SDHC: variants seen among roughly 807,000 people sequenced by gnomAD.
The protein encoded by SDHC is succinate dehydrogenase cytochrome b560 subunit, mitochondrial.
In SDHC, 11 loss-of-function variants were observed where a neutral mutation model predicts 22.6. The observed-to-expected ratio is 0.49, with a 90% CI of 0.31 to 0.81. The LOEUF is 0.81. Ranked by LOEUF, SDHC falls within the 30% of genes least tolerant of loss-of-function variation. The probability of loss-of-function intolerance (pLI) is 0.05; values close to 1 mark genes in which losing one functional copy is unlikely to be tolerated. For synonymous variants in SDHC, 80 were observed against 77.8 expected (o/e 1.03, Z -0.15); for missense variants, 160 against 212.0 (o/e 0.75, Z 1.52).
chr1:161,346,775 A>C (rs559802123), intron 4 of SDHC, among the ~76,000 whole-genome samples: 55 of 152,252 alleles, frequency 3.6e-4, no homozygotes, highest in Non-Finnish European at 6.2e-4. Context: ...TATCTGTTGG[A>C]GATTGGTTCC....
Position 161,320,230 on chromosome 1 carries a change from G to T in SDHC, c.21-3384G>T, listed in dbSNP as rs780260297. 1.8e-4 allele frequency among the ~76,000 whole-genome samples: 27 copies of T among 152,066 alleles called. 1 individual carries two copies. The highest frequency in any genetic ancestry group is 2.6e-4 in the Non-Finnish European group (18 of 68,026). ...TGGGTGATGCCATCATATGGGGGGG[G>T]TGGTGAAAGAAAAGAAATCAAGGAT... On this transcript the variant is annotated intron_variant, in intron 1 of 5. Transcript: ENST00000367975.
At chr1:161,315,201 T>C (rs748737216) in intron 1 of SDHC, among the ~76,000 whole-genome samples, 5 of 152,354 alleles carry the variant, frequency 3.3e-5, no homozygotes, top group Non-Finnish European at 7.3e-5. Context: ...CATAGTTTTG[T>C]GCCAGCCTTA....
intron 1 of SDHC, among the ~76,000 whole-genome samples, chr1:161,316,642 T>G (rs773573894): frequency 7.2e-5 from 11 of 152,228 alleles, no homozygotes; most frequent in Non-Finnish European, 1.6e-4. Flanking sequence ...AGGTATATTT[T>G]TCATTAGTGG....
chr1:161,321,347 A>G (rs1405342409), intron 1 of SDHC, among the ~76,000 whole-genome samples: 1 of 152,214 alleles, frequency 6.6e-6, no homozygotes, highest in Non-Finnish European at 1.5e-5. Context: ...TACTTTTGTC[A>G]TATTTCAAAT....
chr1:161,362,474 C>G lies in SDHC; in HGVS notation c.*41C>G. ...AGCATCATCTTCCTACACATTATTA[C>G]ATTCACCCATCTTTCTGTTTGTCAT... is the stretch of plus-strand genomic sequence containing the variant. On this transcript the variant is annotated 3_prime_UTR_variant, in exon 6 of 6. Transcript: ENST00000367975. 1 of 1,612,138 alleles carries G rather than the reference C, an allele frequency of 6.2e-7. No homozygotes were observed. Among genetic ancestry groups the G allele is most frequent in the Non-Finnish European group, 8.5e-7 (1 of 1,179,366 alleles).
chr1:161,334,308 C>T (rs1671389451), intron 3 of SDHC, among the ~76,000 whole-genome samples: 1 of 151,564 alleles, frequency 6.6e-6, no homozygotes, highest in South Asian at 2.1e-4. Flanking sequence ...CTCCTTTCTT[C>T]TGTGAGCCTC....
chr1:161,362,635 T>C lies in SDHC; in HGVS notation c.*202T>C, dbSNP rs2102386781. 1 of 1,561,540 alleles carries C rather than the reference T, an allele frequency of 6.4e-7. No homozygotes were observed. The highest frequency in any genetic ancestry group is 1.2e-5 in the South Asian group (1 of 84,650). On this transcript the variant is annotated 3_prime_UTR_variant, in exon 6 of 6. Coordinates refer to ENST00000367975, the MANE Select transcript of SDHC (RefSeq NM_003001.5). ...CTAGTTTTCCCCTTGTTTCTAAAGA[T>C]GAGGTGGCTGCAAAAACTCCCCTTT...
Position 161,362,375 on chromosome 1 carries a change from C to T in SDHC, c.452C>T (p.Ser151Phe), listed in dbSNP as rs1571899020. The T allele has an allele frequency of 6.2e-7, 1 of 1,612,658 alleles. No homozygotes were observed. The highest frequency in any genetic ancestry group is 8.5e-7 in the Non-Finnish European group (1 of 1,179,732). The change falls in exon 6 of 6, where the codon TCT (serine) becomes TTT (phenylalanine). Residue 151 changes from serine to phenylalanine, a missense_variant. Ser to Phe is a radical substitution (Grantham distance 155). Transcript: ENST00000367975. ...CTGAAGATTCCCCAGCTATACCAGTCTGGAGTGGTTGTCCTGGTTCTTACT... is the reference window on the plus strand; with the variant it reads ...CTGAAGATTCCCCAGCTATACCAGTTTGGAGTGGTTGTCCTGGTTCTTACT... ...KGLKIPQLYQ[S>F]GVVVLVLTVL...
Position 161,359,886 on chromosome 1 carries a change from A to G in SDHC, c.406-2443A>G, listed in dbSNP as rs898144948. On this transcript the variant is annotated intron_variant, in intron 5 of 5. Coordinates refer to ENST00000367975, the MANE Select transcript of SDHC (RefSeq NM_003001.5). ...GGCATTCTAGGGAATATCCCTGCCT[A>G]CTACTGCTACCCAGTAGGACTCACT... Among the ~76,000 whole-genome samples the G allele has an allele frequency of 2.0e-5, 3 of 152,100 alleles. No individual in the cohort carries two copies. The East Asian group carries it at 5.8e-4, about 29-fold the overall frequency.
At chr1:161,318,256 C>T (rs763925063) in intron 1 of SDHC, among the ~76,000 whole-genome samples, 12 of 152,050 alleles carry the variant, frequency 7.9e-5, no homozygotes, top group Non-Finnish European at 1.3e-4. Context: ...ATCCTTTGAC[C>T]AACTTCTTCC....
chr1:161,323,757 G>A lies in SDHC; in HGVS notation c.77+87G>A, dbSNP rs576153207. 114 of 973,218 alleles carry A rather than the reference G, an allele frequency of 1.2e-4. No individual in the cohort carries two copies. The East Asian group carries it at 3.0e-3, about 26-fold the overall frequency. The allele number at this position is 973,218 out of a possible 1,614,324, so 60.3% of individuals were successfully genotyped here. A position where few individuals can be genotyped will look rare whatever the true frequency, so the allele number is the denominator to read the frequency against. On this transcript the variant is annotated intron_variant, in intron 2 of 5. Transcript: ENST00000367975. ...GTCACCCAGGCTGGAGTGCAATGGCGCGATCTCGGCTCACTGCAAGCGCCG... is the reference window on the plus strand; with the variant it reads ...GTCACCCAGGCTGGAGTGCAATGGCACGATCTCGGCTCACTGCAAGCGCCG...
intron 4 of SDHC, among the ~76,000 whole-genome samples, chr1:161,352,609 A>C (rs1672132338): frequency 6.6e-6 from 1 of 152,234 alleles, no homozygotes; most frequent in East Asian, 1.9e-4. Flanking sequence ...CCTAATTCAA[A>C]TACAACTATT....
intron 1 of SDHC, among the ~76,000 whole-genome samples, chr1:161,318,565 C>CATTGTATTAAAT: frequency 6.6e-6 from 1 of 152,350 alleles, no homozygotes; most frequent in East Asian, 1.9e-4. Context: ...CATTAACTAT[C>CATTGTATTAAAT]TGGCCAGTAC....
At chr1:161,319,262 G>A (rs1196015467) in intron 1 of SDHC, among the ~76,000 whole-genome samples, 1 of 151,790 alleles carries the variant, frequency 6.6e-6, no homozygotes, top group South Asian at 2.1e-4. Context: ...AAGTACTGTG[G>A]TACTATGGAT....
At position 161,328,484 on chromosome 1, in the gene SDHC, A is replaced by G. The variant is rs1363555121; in HGVS notation, c.166A>G (p.Ile56Val). The change falls in exon 3 of 6, where the codon ATT (isoleucine) becomes GTT (valine). Residue 56 changes from isoleucine to valine, a missense_variant. By Grantham distance (29) the Ile-to-Val change is conservative (BLOSUM62 3). Coordinates refer to ENST00000367975, the MANE Select transcript of SDHC (RefSeq NM_003001.5). ...TTCAAACCGTCCTCTGTCTCCCCAC[A>G]TTACTATCTACAGGTAAGGAAGGAT... Reference protein sequence around the residue: ...IGSNRPLSPHITIYSWSLPMA... With the variant: ...IGSNRPLSPHVTIYSWSLPMA... The G allele has an allele frequency of 6.2e-7, 1 of 1,604,718 alleles. No homozygotes were observed.
chr1:161,351,262 C>T (rs931400789), intron 4 of SDHC, among the ~76,000 whole-genome samples: 2 of 152,118 alleles, frequency 1.3e-5, no homozygotes, highest in Admixed American at 6.6e-5. Flanking sequence ...TGCCATCTAT[C>T]TTCTATACTT....
chr1:161,339,363 T>G (rs1393061911), intron 3 of SDHC, among the ~76,000 whole-genome samples: 2 of 151,128 alleles, frequency 1.3e-5, no homozygotes, highest in Non-Finnish European at 3.0e-5. Context: ...TTTTTTTTTT[T>G]TTCGTAAAGA....
chr1:161,354,178 A>G (rs1672187517), intron 4 of SDHC, among the ~76,000 whole-genome samples: 1 of 152,114 alleles, frequency 6.6e-6, no homozygotes, highest in African/African-American at 2.4e-5. Flanking sequence ...AATAGGATGT[A>G]TATGCTGTTG....
chr1:161,331,054 T>G (rs979619922), intron 3 of SDHC, among the ~76,000 whole-genome samples: 15 of 151,626 alleles, frequency 9.9e-5, no homozygotes, highest in Non-Finnish European at 1.9e-4. Context: ...CATGGGAATT[T>G]GCTCCATTAG....
Sources: allele counts gnomAD v4.1 joint callset (sites outside exome capture counted in the v4.1 genomes callset), GRCh38; gene constraint gnomAD v4.1.1; transcripts MANE v1.5; gene names NCBI Gene and HGNC (gene_info 2026-07-23, HGNC 2026-07-21).